LCORL: variants seen among roughly 807,000 people sequenced by gnomAD.
LCORL encodes ligand-dependent nuclear receptor corepressor-like protein.
Under a neutral mutation model 141.8 loss-of-function variants are expected in LCORL, and 41 were observed. That is an observed-to-expected ratio of 0.29 (90% CI 0.23 to 0.38). The LOEUF (loss-of-function observed/expected upper bound fraction) is 0.38, where lower values mean the gene tolerates loss of function less well. Ranked by LOEUF, LCORL falls within the 10% of genes least tolerant of loss-of-function variation. The pLI, the probability that LCORL is intolerant of heterozygous loss-of-function variation, is 1.00. For synonymous variants in LCORL, 618 were observed against 694.1 expected, an observed-to-expected ratio of 0.89 and a Z score of 1.72; for missense variants, 1,759 against 2,035.0, an observed-to-expected ratio of 0.86 and a Z score of 2.61.
At chr4:17,877,020 T>G (rs1726994714) in exon 7 of LCORL, 3 of 1,230,698 alleles carry the variant, frequency 2.4e-6, no homozygotes, top group African/African-American at 1.6e-5. Context: ...TATCTCATTG[T>G]TTTGTGTCAA....
intron 5 of LCORL, among the ~76,000 whole-genome samples, chr4:17,889,009 C>T (rs904891115): frequency 1.3e-5 from 2 of 152,012 alleles, no homozygotes; most frequent in Non-Finnish European, 2.9e-5. Context: ...TTGATATGCT[C>T]CACTTAAAAT....
intron 1 of LCORL, among the ~76,000 whole-genome samples, chr4:18,004,493 T>A (rs1722475387): frequency 1.3e-5 from 2 of 152,124 alleles, no homozygotes; most frequent in Non-Finnish European, 2.9e-5. Flanking sequence ...TCATTCACTA[T>A]CATGAGAACA....
At chr4:17,875,829 T>C in exon 7 of LCORL, 3 of 1,231,264 alleles carry the variant, frequency 2.4e-6, no homozygotes, top group Non-Finnish European at 3.0e-6. Context: ...CTTATCACTA[T>C]TTATATCACC....
At chr4:17,947,328 A>T (rs866372427) in intron 4 of LCORL, among the ~76,000 whole-genome samples, 1 of 152,018 alleles carries the variant, frequency 6.6e-6, no homozygotes. Flanking sequence ...TGTGAAATCC[A>T]GGAGAATCAA....
At chr4:17,993,854 T>C (rs557394266) in intron 1 of LCORL, among the ~76,000 whole-genome samples, 1 of 152,358 alleles carries the variant, frequency 6.6e-6, no homozygotes, top group African/African-American at 2.4e-5. Context: ...GATGGAAGTT[T>C]ACCTGAGAGA....
exon 7 of LCORL, chr4:17,876,940 C>T (rs948537910): frequency 7.3e-6 from 9 of 1,230,424 alleles, no homozygotes; most frequent in Admixed American, 8.5e-5. Flanking sequence ...TGATTTTTAC[C>T]TTGAAGTCTT....
intron 4 of LCORL, among the ~76,000 whole-genome samples, chr4:17,936,005 A>G (rs2109445186): frequency 6.6e-6 from 1 of 152,322 alleles, no homozygotes; most frequent in East Asian, 1.9e-4. Flanking sequence ...GAAATAAATA[A>G]GAGTACTAAA....
chr4:17,873,715 T>G (rs945307581), exon 7 of LCORL: 2 of 1,233,660 alleles, frequency 1.6e-6, no homozygotes, highest in African/African-American at 1.6e-5. Context: ...TGATGAGTAT[T>G]TCCACTGTCA....
chr4:17,853,426 T>C (rs1331795564), intron 7 of LCORL, among the ~76,000 whole-genome samples: 1 of 152,114 alleles, frequency 6.6e-6, no homozygotes, highest in Non-Finnish European at 1.5e-5. Context: ...GCTACTCATA[T>C]CCTTCAATTC....
intron 4 of LCORL, among the ~76,000 whole-genome samples, chr4:17,939,409 A>G (rs1251641776): frequency 6.6e-6 from 1 of 152,170 alleles, no homozygotes; most frequent in Admixed American, 6.5e-5. Context: ...AATAGGTTTT[A>G]TGTTTTATAT....
intron 4 of LCORL, among the ~76,000 whole-genome samples, chr4:17,946,468 C>A (rs1035635618): frequency 1.8e-4 from 27 of 151,814 alleles, no homozygotes; most frequent in African/African-American, 6.5e-4. Flanking sequence ...AGTATGTATC[C>A]CATGTTGAAG....
intron 1 of LCORL, among the ~76,000 whole-genome samples, chr4:17,993,038 C>T (rs16896213): frequency 6.6e-6 from 1 of 151,836 alleles, no homozygotes; most frequent in Non-Finnish European, 1.5e-5. Flanking sequence ...AAACAAGGAA[C>T]GGCACATTAC....
At chr4:17,982,416 C>T (rs557139523) in intron 1 of LCORL, among the ~76,000 whole-genome samples, 9 of 152,094 alleles carry the variant, frequency 5.9e-5, no homozygotes, top group Non-Finnish European at 1.2e-4. Context: ...GTAAGTGTTC[C>T]GTTTTCTCTG....
At chr4:17,886,209 A>G in intron 5 of LCORL, 48 bp from the exon 6 acceptor site, 1 of 882,784 alleles carries the variant, frequency 1.1e-6, no homozygotes, top group East Asian at 2.5e-5. Flanking sequence ...ACAGATAGGC[A>G]ATCCTTACAT....
intron 5 of LCORL, among the ~76,000 whole-genome samples, chr4:17,892,614 G>A (rs899841438): frequency 6.7e-6 from 1 of 149,972 alleles, no homozygotes; most frequent in East Asian, 1.9e-4. Flanking sequence ...ATTTATTCAC[G>A]ATGAGATGAT....
intron 4 of LCORL, among the ~76,000 whole-genome samples, chr4:17,920,392 T>G (rs941226302): frequency 3.9e-5 from 6 of 152,200 alleles, no homozygotes; most frequent in African/African-American, 1.4e-4. Flanking sequence ...TGTTAAAAAT[T>G]TCTAACAATC....
At chr4:17,861,986 C>G (rs1284151111) in intron 7 of LCORL, among the ~76,000 whole-genome samples, 2 of 152,182 alleles carry the variant, frequency 1.3e-5, no homozygotes, top group Non-Finnish European at 2.9e-5. Flanking sequence ...TTCAACAAGT[C>G]TCTAGGAAGT....
At chr4:17,921,617 ATTCT>A (rs1227149515) in intron 4 of LCORL, among the ~76,000 whole-genome samples, 1 of 152,156 alleles carries the variant, frequency 6.6e-6, no homozygotes, top group African/African-American at 2.4e-5. Context: ...TTTGAAAGGA[ATTCT>A]TTCTTCTGAG....
At chr4:17,868,687 C>T (rs1392275626) in intron 7 of LCORL, among the ~76,000 whole-genome samples, 1 of 152,114 alleles carries the variant, frequency 6.6e-6, no homozygotes, top group Non-Finnish European at 1.5e-5. Context: ...ATTTGTGCTA[C>T]TATTAGAAAA....
Sources: gnomAD v4.1 joint callset for allele counts (sites outside exome capture counted in the v4.1 genomes callset) on GRCh38, gnomAD v4.1.1 for gene constraint, MANE v1.5 for transcripts, NCBI Gene and HGNC (gene_info 2026-07-23, HGNC 2026-07-21) for gene names.